Variants in FAM178B observed in about 807,000 individuals in gnomAD.
The protein encoded by FAM178B is family with sequence similarity 178 member B.
A neutral mutation model predicts 91.7 loss-of-function variants in FAM178B; 82 were observed. The ratio of observed to expected loss-of-function variants is 0.89; its 90% confidence interval spans 0.75 to 1.07. FAM178B has a LOEUF of 1.07. Among genes scored for constraint, FAM178B ranks in the 50% least tolerant of loss-of-function variants. The pLI is 0.00. For missense variants in FAM178B, 769 were observed against 846.7 expected, an observed-to-expected ratio of 0.91 and a Z score of 1.14; for synonymous variants, 368 against 359.4, an observed-to-expected ratio of 1.02 and a Z score of -0.27.
At chr2:96,890,533 G>C (rs558565486) in intron 14 of FAM178B, among the ~76,000 whole-genome samples, 29 of 152,288 alleles carry the variant, frequency 1.9e-4, no homozygotes, top group Admixed American at 5.9e-4. Flanking sequence ...GAACACACCA[G>C]AAAACATCTG....
intron 8 of FAM178B, among the ~76,000 whole-genome samples, chr2:96,944,470 G>GA (rs1185562645): frequency 2.6e-5 from 4 of 152,132 alleles, no homozygotes. Context: ...GAGAAGCAGT[G>GA]ACCTCGTATG....
At position 96,952,849 on chromosome 2, in the gene FAM178B, C is replaced by T. The variant is rs541414678; in HGVS notation, c.888-1365G>A. On this transcript the variant is annotated intron_variant, in intron 6 of 16. Transcript: ENST00000490605. The stretch of plus-strand genomic sequence containing the variant: ...TCACATTTGTTCTTCTTTTTAATGG[C>T]CCAAATGCATGCAAAGAACATTTCA... Among the ~76,000 whole-genome samples the T allele has an allele frequency of 2.0e-5, 3 of 152,222 alleles. No individual in the cohort carries two copies. In the East Asian group the frequency reaches 5.8e-4, roughly 29 times the overall value.
At chr2:96,967,676 G>A (rs935244231) in intron 4 of FAM178B, 49 bp from the exon 5 acceptor site, 18 of 1,291,298 alleles carry the variant, frequency 1.4e-5, no homozygotes, top group African/African-American at 2.9e-5. Context: ...GTTCCCCATC[G>A]TGCAACCCTG....
chr2:96,913,197 C>A (rs1358387035), intron 12 of FAM178B, among the ~76,000 whole-genome samples: 1 of 152,102 alleles, frequency 6.6e-6, no homozygotes, highest in Non-Finnish European at 1.5e-5. Context: ...GAGAGCACTG[C>A]GTTTGTCTAG....
At chr2:96,880,785 G>C (rs961907008) in intron 14 of FAM178B, among the ~76,000 whole-genome samples, 1 of 152,116 alleles carries the variant, frequency 6.6e-6, no homozygotes, top group Non-Finnish European at 1.5e-5. Flanking sequence ...CAGTGGAGAC[G>C]GGGTTTCACC....
At chr2:96,943,206 C>T (rs1429401116) in intron 8 of FAM178B, among the ~76,000 whole-genome samples, 1 of 152,192 alleles carries the variant, frequency 6.6e-6, no homozygotes, top group African/African-American at 2.4e-5. Context: ...AGAAAACCCA[C>T]AAAATGAGAG....
At chr2:96,945,557 C>T (rs539569413) in intron 8 of FAM178B, among the ~76,000 whole-genome samples, 13 of 152,036 alleles carry the variant, frequency 8.6e-5, no homozygotes, top group South Asian at 2.1e-4. Context: ...CACACGTGCG[C>T]GCGCACACAC....
At chr2:96,932,941 CAAAAA>C (rs35133795) in intron 8 of FAM178B, among the ~76,000 whole-genome samples, 1 of 33,864 alleles carries the variant, frequency 3.0e-5, no homozygotes, top group Non-Finnish European at 6.3e-5. Context: ...CTCCGTCTCA[CAAAAA>C]AAAAAAAAAA....
At chr2:96,963,408 G>A (rs1371806572) in intron 5 of FAM178B, among the ~76,000 whole-genome samples, 1 of 152,154 alleles carries the variant, frequency 6.6e-6, no homozygotes, top group African/African-American at 2.4e-5. Flanking sequence ...CCCTAAACAC[G>A]CTAATTAAAT....
chr2:96,884,060 C>T (rs1468125730), intron 14 of FAM178B, among the ~76,000 whole-genome samples: 3 of 152,200 alleles, frequency 2.0e-5, no homozygotes, highest in Non-Finnish European at 4.4e-5. Context: ...CTTTCAGACC[C>T]GAGGCTGGGG....
intron 14 of FAM178B, among the ~76,000 whole-genome samples, chr2:96,888,779 C>T (rs772125428): frequency 6.6e-6 from 1 of 152,206 alleles, no homozygotes; most frequent in Non-Finnish European, 1.5e-5. Context: ...GAGGCCACAC[C>T]CTCTGCAGAA....
At chr2:96,917,166 C>T (rs529271810) in intron 12 of FAM178B, among the ~76,000 whole-genome samples, 1 of 152,128 alleles carries the variant, frequency 6.6e-6, no homozygotes, top group Admixed American at 6.5e-5. Flanking sequence ...GGGGAAGAAG[C>T]GCATTTTCAA....
At chr2:96,881,299 G>T (rs2080376952) in intron 14 of FAM178B, among the ~76,000 whole-genome samples, 2 of 149,864 alleles carry the variant, frequency 1.3e-5, no homozygotes, top group Non-Finnish European at 3.0e-5. Context: ...AAAGGAAGAA[G>T]CTGAGGCCCC....
intron 9 of FAM178B, among the ~76,000 whole-genome samples, chr2:96,927,103 C>T (rs1218660245): frequency 1.3e-5 from 2 of 152,042 alleles, no homozygotes; most frequent in Non-Finnish European, 2.9e-5. Flanking sequence ...CCCATGCATC[C>T]ATGAAGGATG....
intron 12 of FAM178B, among the ~76,000 whole-genome samples, chr2:96,916,433 CCTT>C (rs2081242136): frequency 2.0e-5 from 3 of 152,238 alleles, no homozygotes; most frequent in Non-Finnish European, 4.4e-5. Flanking sequence ...CTTCATCTGA[CCTT>C]CTGCTTTGAA....
chr2:96,911,336 AGAG>A (rs2081153562), intron 12 of FAM178B, among the ~76,000 whole-genome samples: 1 of 152,212 alleles, frequency 6.6e-6, no homozygotes, highest in Non-Finnish European at 1.5e-5. Flanking sequence ...TGAACCAGGC[AGAG>A]GAGGACAATG....
chr2:96,985,375 C>A (rs566738533), intron 1 of FAM178B, among the ~76,000 whole-genome samples: 1 of 152,196 alleles, frequency 6.6e-6, no homozygotes, highest in Non-Finnish European at 1.5e-5. Context: ...CTCTGCCCAG[C>A]ACATCCCTCT....
At chr2:96,934,578 G>T (rs2081593885) in intron 8 of FAM178B, among the ~76,000 whole-genome samples, 1 of 152,128 alleles carries the variant, frequency 6.6e-6, no homozygotes, top group Non-Finnish European at 1.5e-5. Context: ...TTAAAAACAT[G>T]CACATTTTGT....
At chr2:96,955,013 G>A (rs1424279702) in intron 6 of FAM178B, among the ~76,000 whole-genome samples, 2 of 152,190 alleles carry the variant, frequency 1.3e-5, no homozygotes, top group East Asian at 3.8e-4. Flanking sequence ...TCGTACTACT[G>A]CACTCCAGCA....
Sources: allele counts gnomAD v4.1 joint callset (sites outside exome capture counted in the v4.1 genomes callset), GRCh38; gene constraint gnomAD v4.1.1; transcripts MANE v1.5; gene names NCBI Gene and HGNC (gene_info 2026-07-23, HGNC 2026-07-21).